MAGI2: variants seen among roughly 807,000 people sequenced by gnomAD.
MAGI2 encodes membrane associated guanylate kinase, WW and PDZ domain containing 2, also known as membrane-associated guanylate kinase, WW and PDZ domain-containing protein 2.
A neutral mutation model predicts 133.3 loss-of-function variants in MAGI2; 35 were observed. The observed-to-expected ratio is 0.26, with a 90% CI of 0.20 to 0.35. MAGI2 has a LOEUF of 0.35. MAGI2 is among the 10% of genes least tolerant of loss of function. The probability of loss-of-function intolerance (pLI) is 1.00; values close to 1 mark genes in which losing one functional copy is unlikely to be tolerated. For synonymous variants in MAGI2, 729 were observed against 710.6 expected (o/e 1.03, Z -0.41); for missense variants, 1,636 against 1,863.4 (o/e 0.88, Z 2.25).
chr7:78,292,025 G>C (rs1196912460), intron 9 of MAGI2, among the ~76,000 whole-genome samples: 1 of 152,118 alleles, frequency 6.6e-6, no homozygotes, highest in Non-Finnish European at 1.5e-5. Context: ...ACTGGCACAA[G>C]ACAGGGATGC....
chr7:78,206,625 C>G (rs1787134010), intron 10 of MAGI2, among the ~76,000 whole-genome samples: 1 of 152,168 alleles, frequency 6.6e-6, no homozygotes, highest in South Asian at 2.1e-4. Context: ...CAGGAATTTT[C>G]CCAAACAGAA....
At chr7:78,840,872 C>G (rs17455348) in intron 2 of MAGI2, among the ~76,000 whole-genome samples, 8,278 of 151,654 alleles carry the variant, frequency 0.055, 287 homozygotes, top group Middle Eastern at 0.085. Context: ...ATAATAAGAC[C>G]CATGTGAAAA....
intron 20 of MAGI2, among the ~76,000 whole-genome samples, chr7:78,081,251 G>A (rs1224586743): frequency 6.6e-6 from 1 of 152,162 alleles, no homozygotes; most frequent in African/African-American, 2.4e-5. Context: ...ATGAGTCTCT[G>A]TCTTCCCTCC....
intron 1 of MAGI2, among the ~76,000 whole-genome samples, chr7:79,374,329 AAC>A (rs35379400): frequency 1.5e-4 from 23 of 149,724 alleles, no homozygotes; most frequent in African/African-American, 3.9e-4. Flanking sequence ...CACCCACACA[AAC>A]ACACACACAC....
chr7:78,924,470 TGG>T lies in MAGI2; in HGVS notation c.418+82618_418+82619del, dbSNP rs1293693962. 2.6e-5 allele frequency among the ~76,000 whole-genome samples: 4 copies of T among 152,196 alleles called. No individual in the cohort carries two copies. The East Asian group carries it at 5.8e-4, about 22-fold the overall frequency. ...GAGATAATCATGTGGTTTTTGTCTT[TGG>T]TTCTGTTTATATGCTGGATTACATT... On this transcript the variant is annotated intron_variant, in intron 2 of 21. Transcript: ENST00000354212.
At chr7:78,979,623 C>T (rs1386894895) in intron 2 of MAGI2, among the ~76,000 whole-genome samples, 1 of 151,814 alleles carries the variant, frequency 6.6e-6, no homozygotes, top group Non-Finnish European at 1.5e-5. Flanking sequence ...TCCCACAGTC[C>T]CTGGTTGTTC....
Position 78,536,103 on chromosome 7 carries a change from CTTTT to C in MAGI2, c.539-14462_539-14459del, listed in dbSNP as rs544655465. 6.2e-3 allele frequency among the ~76,000 whole-genome samples: 371 copies of C among 59,906 alleles called. 1 individual carries two copies. The highest frequency in any genetic ancestry group is 0.023 in the Middle Eastern group (1 of 44). 39.3% of individuals were successfully genotyped at this position (59,906 alleles called of 152,430 possible). ...TACAGCTGGCTCTGTATGAATTAAA[CTTTT>C]TTTTTTTTTTTTTTTTTTTTTTTGA... On this transcript the variant is annotated intron_variant, in intron 3 of 21. Coordinates refer to ENST00000354212, the MANE Select transcript of MAGI2 (RefSeq NM_012301.4).
chr7:79,234,257 C>A (rs1158363123), intron 1 of MAGI2, among the ~76,000 whole-genome samples: 1 of 145,216 alleles, frequency 6.9e-6, no homozygotes, highest in Non-Finnish European at 1.5e-5. Context: ...TTTGGTGAAT[C>A]TGACAATTAT....
intron 2 of MAGI2, among the ~76,000 whole-genome samples, chr7:78,845,312 G>C (rs2151470546): frequency 6.6e-6 from 1 of 151,778 alleles, no homozygotes; most frequent in Middle Eastern, 3.4e-3. Context: ...GGTTACTCTG[G>C]GTCAGAATAT....
intron 20 of MAGI2, among the ~76,000 whole-genome samples, chr7:78,105,036 C>T (rs1458164619): frequency 6.6e-6 from 1 of 152,162 alleles, no homozygotes; most frequent in Non-Finnish European, 1.5e-5. Context: ...CATTCCTTTG[C>T]TTTTCCTCAT....
At chr7:79,314,992 C>T (rs532163353) in intron 1 of MAGI2, among the ~76,000 whole-genome samples, 6 of 152,210 alleles carry the variant, frequency 3.9e-5, no homozygotes, top group African/African-American at 1.2e-4. Flanking sequence ...GGACTGCTCT[C>T]TTATGTGACA....
intron 3 of MAGI2, among the ~76,000 whole-genome samples, chr7:78,603,103 C>T (rs571065468): frequency 7.0e-6 from 1 of 143,254 alleles, no homozygotes; most frequent in African/African-American, 2.9e-5. Flanking sequence ...TCATCAAAGA[C>T]CTCTTGTATT....
intron 2 of MAGI2, among the ~76,000 whole-genome samples, chr7:78,653,560 C>G (rs1236895952): frequency 6.6e-6 from 1 of 151,982 alleles, no homozygotes; most frequent in East Asian, 1.9e-4. Flanking sequence ...TGCATGTTCT[C>G]ACTCATAAGT....
At chr7:79,019,652 C>T (rs1809091147) in intron 1 of MAGI2, among the ~76,000 whole-genome samples, 3 of 151,942 alleles carry the variant, frequency 2.0e-5, no homozygotes, top group Admixed American at 2.0e-4. Context: ...TCAAACAATT[C>T]TCCTGCCTCA....
intron 1 of MAGI2, among the ~76,000 whole-genome samples, chr7:79,093,903 C>T (rs577803595): frequency 2.6e-5 from 4 of 151,746 alleles, no homozygotes; most frequent in South Asian, 4.2e-4. Context: ...TTAGTAGAGA[C>T]GAGGTTTCAC....
intron 20 of MAGI2, among the ~76,000 whole-genome samples, chr7:78,104,949 C>T (rs1818534996): frequency 1.3e-5 from 2 of 150,006 alleles, no homozygotes; most frequent in South Asian, 2.1e-4. Context: ...AATCACTAAC[C>T]GCCTTAACAA....
intron 3 of MAGI2, among the ~76,000 whole-genome samples, chr7:78,590,097 TTTTC>T (rs1227639425): frequency 2.0e-5 from 3 of 152,224 alleles, no homozygotes; most frequent in Non-Finnish European, 4.4e-5. Context: ...GAAATTATAT[TTTTC>T]TTTCTTAGGG....
At chr7:78,427,695 A>T (rs538018205) in intron 6 of MAGI2, among the ~76,000 whole-genome samples, 14 of 151,882 alleles carry the variant, frequency 9.2e-5, no homozygotes, top group African/African-American at 2.7e-4. Flanking sequence ...ATGAATTTGA[A>T]CAACATTAAA....
chr7:78,236,980 C>A (rs544513559), intron 10 of MAGI2, among the ~76,000 whole-genome samples: 1 of 152,136 alleles, frequency 6.6e-6, no homozygotes, highest in Non-Finnish European at 1.5e-5. Context: ...GTGAGACTTA[C>A]TATCACAAGA....
Sources: gnomAD v4.1 joint callset for allele counts (sites outside exome capture counted in the v4.1 genomes callset) on GRCh38, gnomAD v4.1.1 for gene constraint, MANE v1.5 for transcripts, NCBI Gene and HGNC (gene_info 2026-07-23, HGNC 2026-07-21) for gene names.